Variants in HBS1L observed in about 807,000 individuals in gnomAD.
The protein encoded by HBS1L is HBS1 like translational GTPase, also known as HBS1-like protein.
A neutral mutation model predicts 88.9 loss-of-function variants in HBS1L; 55 were observed. That is an observed-to-expected ratio of 0.62 (90% CI 0.50 to 0.77). The LOEUF (loss-of-function observed/expected upper bound fraction) is 0.77. Ranked by LOEUF, HBS1L falls within the 30% of genes least tolerant of loss-of-function variation. HBS1L has a pLI of 0.00. For synonymous variants in HBS1L, 267 were observed against 288.5 expected (o/e 0.93, Z 0.76); for missense variants, 741 against 829.3 (o/e 0.89, Z 1.31).
At chr6:135,029,687 A>AGGATGCTCATTTAT in intron 4 of HBS1L, among the ~76,000 whole-genome samples, 2 of 152,278 alleles carry the variant, frequency 1.3e-5, no homozygotes, top group East Asian at 3.9e-4. Context: ...CTAGAAATGT[A>AGGATGCTCATTTAT]GGATGCTCAT....
chr6:134,983,641 C>T (rs1774896061), intron 12 of HBS1L: 1 of 152,114 alleles, frequency 6.6e-6, no homozygotes, highest in Non-Finnish European at 1.5e-5. Context: ...AGAACACTCT[C>T]CCAGGAGAGA....
At chr6:135,029,007 T>C (rs145871961) in intron 4 of HBS1L, among the ~76,000 whole-genome samples, 48 of 152,114 alleles carry the variant, frequency 3.2e-4, no homozygotes, top group Middle Eastern at 3.4e-3. Flanking sequence ...TAAAAAGCTA[T>C]AGTAATTTAA....
chr6:134,979,110 A>AATAT, intron 14 of HBS1L, 68 bp downstream of exon 14: 1 of 1,139,318 alleles, frequency 8.8e-7, no homozygotes, highest in Non-Finnish European at 1.3e-6. Flanking sequence ...CAGGTTGCAA[A>AATAT]ATATATGTGT....
At chr6:135,046,182 A>G (rs1776906219) in intron 2 of HBS1L, among the ~76,000 whole-genome samples, 1 of 151,870 alleles carries the variant, frequency 6.6e-6, no homozygotes, top group South Asian at 2.1e-4. Context: ...TGCCATTCTT[A>G]CTCCCAAATT....
At position 135,042,939 on chromosome 6, in the gene HBS1L, C is replaced by T. The variant is rs180939678; in HGVS notation, c.110-813G>A. 3.2e-3 allele frequency among the ~76,000 whole-genome samples: 491 copies of T among 152,280 alleles called. 1 individual carries two copies. Among genetic ancestry groups the T allele is most frequent in the African/African-American group, 0.011 (476 of 41,550 alleles). ...AACAACTCATGCTTTCAATCACACA[C>T]TTTCAATTATACACTGACACTGTAA... On this transcript the variant is annotated intron_variant, in intron 2 of 17. Transcript: ENST00000367837.
At position 135,027,343 on chromosome 6, in the gene HBS1L, A is replaced by AG. The variant is rs533298627; in HGVS notation, c.430+12229dup. On this transcript the variant is annotated intron_variant, in intron 4 of 17. Coordinates refer to ENST00000367837, the MANE Select transcript of HBS1L (RefSeq NM_006620.4). ...GCCACAAACTCAATAAACAGAGTACAGATCACACACTCTGATAAACAGTAT... is the reference window on the plus strand; with the variant it reads ...GCCACAAACTCAATAAACAGAGTACAGGATCACACACTCTGATAAACAGTAT... The AG allele has an allele frequency of 5.3e-5, 8 of 152,288 alleles. No homozygotes were observed. The South Asian group carries it at 1.7e-3, about 32-fold the overall frequency. The allele number at this position is 152,288 out of a possible 1,614,324, so 9.4% of individuals were successfully genotyped here. A position where few individuals can be genotyped will look rare whatever the true frequency, so the allele number is the denominator to read the frequency against.
At chr6:134,965,863 T>C (rs182486264) in intron 17 of HBS1L, among the ~76,000 whole-genome samples, 7 of 152,354 alleles carry the variant, frequency 4.6e-5, no homozygotes, top group Non-Finnish European at 1.0e-4. Context: ...TTTCATGATA[T>C]GTGTAACTCA....
chr6:134,973,390 C>T (rs773372067), intron 15 of HBS1L, among the ~76,000 whole-genome samples: 1 of 152,130 alleles, frequency 6.6e-6, no homozygotes, highest in Non-Finnish European at 1.5e-5. Context: ...GAACCTAGAG[C>T]AGGCAAATTC....
intron 4 of HBS1L, among the ~76,000 whole-genome samples, chr6:135,012,025 G>C (rs1169834623): frequency 1.3e-5 from 2 of 151,632 alleles, no homozygotes; most frequent in African/African-American, 2.4e-5. Flanking sequence ...TGTGGCAGAG[G>C]AAAGGGGAAA....
chr6:134,982,256 A>C, intron 13 of HBS1L: 1 of 511,836 alleles, frequency 2.0e-6, no homozygotes, highest in South Asian at 2.6e-5. Context: ...GTTTATGTAC[A>C]TATATATACA....
chr6:135,034,107 A>C (rs1381178154), intron 4 of HBS1L, among the ~76,000 whole-genome samples: 3 of 152,170 alleles, frequency 2.0e-5, no homozygotes, highest in South Asian at 4.1e-4. Context: ...TAAAAACAAA[A>C]ACCTGAAGAC....
chr6:134,967,893 T>G (rs533618088), intron 16 of HBS1L, among the ~76,000 whole-genome samples: 1 of 152,318 alleles, frequency 6.6e-6, no homozygotes, highest in African/African-American at 2.4e-5. Flanking sequence ...GTTAGTCATA[T>G]AGTTATATCG....
intron 4 of HBS1L, among the ~76,000 whole-genome samples, chr6:135,026,673 C>T (rs1165458397): frequency 6.6e-6 from 1 of 151,992 alleles, no homozygotes; most frequent in African/African-American, 2.4e-5. Context: ...GAGAAAGCAG[C>T]AATCATGATA....
intron 16 of HBS1L, among the ~76,000 whole-genome samples, chr6:134,968,273 G>T (rs1433245256): frequency 6.6e-6 from 1 of 151,074 alleles, no homozygotes; most frequent in Non-Finnish European, 1.5e-5. Context: ...TTTTGAGATG[G>T]AGTTTCACTC....
At chr6:135,014,298 C>T (rs1467664353) in intron 4 of HBS1L, among the ~76,000 whole-genome samples, 2 of 152,192 alleles carry the variant, frequency 1.3e-5, no homozygotes, top group African/African-American at 2.4e-5. Context: ...TAAGCAGAAA[C>T]TGTCACCAAA....
intron 12 of HBS1L, 172 bp from the exon 13 acceptor site, chr6:134,982,734 CT>C (rs374957264): frequency 0.024 from 7,815 of 320,238 alleles, no homozygotes; most frequent in Middle Eastern, 0.035. Context: ...CCACACTTTA[CT>C]TTTTTTTTTT....
rs188710380 is a variant in HBS1L, at chr6:135,020,148, A to T, written c.431-17306T>A. On this transcript the variant is annotated intron_variant, in intron 4 of 17. Transcript: ENST00000367837. ...CTATATAAAAACATTATGAATGATT[A>T]AAAAAAACCCTCCAAAAAAAAAAAA... is the stretch of plus-strand genomic sequence containing the variant. 1.7e-3 allele frequency among the ~76,000 whole-genome samples: 204 copies of T among 120,018 alleles called. 1 individual carries two copies. Among genetic ancestry groups the T allele is most frequent in the Admixed American group, 0.014 (174 of 12,046 alleles). The allele number at this position is 120,018 out of a possible 152,430, so 78.7% of individuals were successfully genotyped here.
At chr6:135,035,032 G>A (rs753563086) in intron 4 of HBS1L, among the ~76,000 whole-genome samples, 1 of 152,192 alleles carries the variant, frequency 6.6e-6, no homozygotes, top group Non-Finnish European at 1.5e-5. Flanking sequence ...TTTAAGGGAT[G>A]AATTACATAA....
intron 8 of HBS1L, among the ~76,000 whole-genome samples, chr6:134,991,116 T>A (rs1775124515): frequency 6.6e-6 from 1 of 151,702 alleles, no homozygotes; most frequent in Admixed American, 6.6e-5. Context: ...AAAACTATAT[T>A]GTATTCTTTG....
Sources: gnomAD v4.1 joint callset for allele counts (sites outside exome capture counted in the v4.1 genomes callset) on GRCh38, gnomAD v4.1.1 for gene constraint, MANE v1.5 for transcripts, NCBI Gene and HGNC (gene_info 2026-07-23, HGNC 2026-07-21) for gene names.